Variants in IFT27 observed in about 807,000 individuals in gnomAD.
The protein encoded by IFT27 is intraflagellar transport 27.
Under a neutral mutation model 23.9 loss-of-function variants are expected in IFT27, and 19 were observed. The observed-to-expected ratio is 0.79, with a 90% CI of 0.55 to 1.16. The LOEUF (loss-of-function observed/expected upper bound fraction) is 1.16. IFT27 is among the 50% of genes most tolerant of loss of function. The pLI is 0.00. For synonymous variants in IFT27, 91 were observed against 89.1 expected, an observed-to-expected ratio of 1.02 and a Z score of -0.12; for missense variants, 206 against 228.7, an observed-to-expected ratio of 0.90 and a Z score of 0.64.
intron 1 of IFT27, among the ~76,000 whole-genome samples, chr22:36,771,925 C>T (rs896992972): frequency 6.6e-6 from 1 of 152,154 alleles, no homozygotes; most frequent in Non-Finnish European, 1.5e-5. Context: ...TACCCATCTC[C>T]ACGGTCAGCC....
At chr22:36,758,487 A>C in intron 6 of IFT27, 78 bp from the exon 7 acceptor site, 2 of 1,066,792 alleles carry the variant, frequency 1.9e-6, no homozygotes, top group Non-Finnish European at 2.9e-6. Flanking sequence ...TGCTTCCCTC[A>C]TTCGGGGGCT....
intron 1 of IFT27, among the ~76,000 whole-genome samples, chr22:36,774,818 A>T (rs9610582): frequency 0.027 from 4,119 of 151,650 alleles, 82 homozygotes; most frequent in Middle Eastern, 0.061. Flanking sequence ...TCTCAAAAAA[A>T]AAAAAAAAAA....
At chr22:36,764,073 C>T (rs761566986) in intron 4 of IFT27, 37 bp from the exon 5 acceptor site, 1 of 1,457,680 alleles carries the variant, frequency 6.9e-7, no homozygotes, top group South Asian at 1.1e-5. Flanking sequence ...GGGTCAGTAA[C>T]AGGAAAAGTG....
intron 1 of IFT27, among the ~76,000 whole-genome samples, chr22:36,773,176 T>A (rs529769431): frequency 7.1e-4 from 104 of 145,722 alleles, no homozygotes; most frequent in African/African-American, 2.5e-3. Context: ...CCTGACCAAC[T>A]GGTGAAACCC....
At chr22:36,771,844 G>A (rs948969326) in intron 1 of IFT27, among the ~76,000 whole-genome samples, 3 of 152,048 alleles carry the variant, frequency 2.0e-5, no homozygotes, top group Non-Finnish European at 2.9e-5. Context: ...TCAACAGGTG[G>A]ACCCCCATGA....
intron 5 of IFT27, 192 bp from the exon 6 acceptor site, chr22:36,763,205 T>C: frequency 2.3e-6 from 1 of 440,470 alleles, no homozygotes; most frequent in Non-Finnish European, 4.0e-6. Context: ...GAGAGACAGG[T>C]GGGCTTCGCT....
At chr22:36,763,757 G>A (rs1268622341) in intron 5 of IFT27, 162 bp downstream of exon 5, 1 of 706,804 alleles carries the variant, frequency 1.4e-6, no homozygotes. Flanking sequence ...ACTCACCGAG[G>A]TTGGCATGGC....
intron 1 of IFT27, among the ~76,000 whole-genome samples, chr22:36,769,488 G>A (rs1938344564): frequency 6.6e-6 from 1 of 152,164 alleles, no homozygotes; most frequent in Non-Finnish European, 1.5e-5. Context: ...CCGAGTAGCT[G>A]GGACTACAGG....
At position 36,758,264 on chromosome 22, in the gene IFT27, G is replaced by A. The variant is rs1937983028; in HGVS notation, c.*47C>T. On this transcript the variant is annotated 3_prime_UTR_variant, in exon 7 of 7. Transcript: ENST00000433985. Reference sequence around the variant, plus strand: ...CATCATTATATATTAAAAGAGCAGAGGTAATTCTGTCTTCTCCGGTTGTGC... The same window carrying A: ...CATCATTATATATTAAAAGAGCAGAAGTAATTCTGTCTTCTCCGGTTGTGC... 1.5e-6 allele frequency: 2 copies of A among 1,362,004 alleles called. No homozygotes were observed. Among genetic ancestry groups the A allele is most frequent in the Non-Finnish European group, 1.1e-6 (1 of 950,752 alleles). 84.4% of individuals were successfully genotyped at this position (1,362,004 alleles called of 1,614,324 possible). A position where few individuals can be genotyped will look rare whatever the true frequency, so the allele number is the denominator to read the frequency against.
chr22:36,769,564 AG>A (rs1343912741), intron 1 of IFT27, among the ~76,000 whole-genome samples: 1 of 152,192 alleles, frequency 6.6e-6, no homozygotes, highest in Non-Finnish European at 1.5e-5. Context: ...CAGGTTGGCC[AG>A]CCTGATCACA....
At chr22:36,766,106 G>A (rs1376311814) in intron 4 of IFT27, 32 bp downstream of exon 4, 1 of 1,584,280 alleles carries the variant, frequency 6.3e-7, no homozygotes, top group African/African-American at 1.3e-5. Flanking sequence ...AGGAGGTGGT[G>A]ACAGTCAGGA....
intron 1 of IFT27, 70 bp downstream of exon 1, chr22:36,775,604 G>C: frequency 1.4e-5 from 22 of 1,543,140 alleles, no homozygotes; most frequent in Non-Finnish European, 2.0e-5. Context: ...GTGAACAAAA[G>C]CTCTGGATGA....
At chr22:36,766,792 A>G (rs1458365360) in intron 3 of IFT27, among the ~76,000 whole-genome samples, 1 of 151,910 alleles carries the variant, frequency 6.6e-6, no homozygotes, top group African/African-American at 2.4e-5. Flanking sequence ...CTCCCCCACA[A>G]GCTCCCTCCT....
At chr22:36,775,614 A>G in intron 1 of IFT27, 60 bp downstream of exon 1, 1 of 1,579,468 alleles carries the variant, frequency 6.3e-7, no homozygotes, top group Non-Finnish European at 8.7e-7. Context: ...GCTCTGGATG[A>G]ATTATGAAGG....
chr22:36,774,205 A>T (rs1193372619), intron 1 of IFT27, among the ~76,000 whole-genome samples: 1 of 152,242 alleles, frequency 6.6e-6, no homozygotes, highest in East Asian at 1.9e-4. Context: ...TGATTCAGTT[A>T]CTACTGTCAG....
In IFT27 at chr22:36,758,474, CA is replaced by C. The variant is rs1410541368; in HGVS notation, c.463-66del. The stretch of plus-strand genomic sequence containing the variant: ...AAGGGTCAGAGGGCCAGCTCTCACT[CA>C]ATGCTTCCCTCATTCGGGGGCTACC... On this transcript the variant is annotated intron_variant, in intron 6 of 6. Coordinates refer to ENST00000433985, the MANE Select transcript of IFT27 (RefSeq NM_001177701.3). 1.3e-5 allele frequency: 15 copies of C among 1,198,512 alleles called. No homozygotes were observed. In the African/African-American group the frequency reaches 2.1e-4, roughly 17 times the overall value. 74.2% of individuals were successfully genotyped at this position (1,198,512 alleles called of 1,614,324 possible). A position where few individuals can be genotyped will look rare whatever the true frequency, so the allele number is the denominator to read the frequency against.
chr22:36,767,265 T>TG (rs773086739), intron 3 of IFT27, 41 bp downstream of exon 3: 1 of 1,557,430 alleles, frequency 6.4e-7, no homozygotes, highest in Admixed American at 1.7e-5. Context: ...TGGGCCCAGC[T>TG]GGGGGAGCCC....
intron 4 of IFT27, among the ~76,000 whole-genome samples, chr22:36,764,401 A>G (rs953047849): frequency 1.3e-5 from 2 of 152,256 alleles, no homozygotes; most frequent in Admixed American, 6.5e-5. Context: ...CAGGCCTGAC[A>G]GGCTTTAAAA....
chr22:36,775,564 G>A (rs1023926309), intron 1 of IFT27, 110 bp downstream of exon 1: 2 of 1,152,746 alleles, frequency 1.7e-6, no homozygotes, highest in Non-Finnish European at 2.6e-6. Flanking sequence ...TCGCCTTTGG[G>A]AGAGAGAAAG....
Sources: gnomAD v4.1 joint callset for allele counts (sites outside exome capture counted in the v4.1 genomes callset) on GRCh38, gnomAD v4.1.1 for gene constraint, MANE v1.5 for transcripts, NCBI Gene and HGNC (gene_info 2026-07-23, HGNC 2026-07-21) for gene names.